GSK3B: variants seen among roughly 807,000 people sequenced by gnomAD.
GSK3B encodes the protein glycogen synthase kinase-3 beta.
A neutral mutation model predicts 56.4 loss-of-function variants in GSK3B; 15 were observed. The observed-to-expected ratio is 0.27, with a 90% CI of 0.18 to 0.41. GSK3B has a LOEUF of 0.41. Ranked by LOEUF, GSK3B falls within the 10% of genes least tolerant of loss-of-function variation. The pLI, the probability that GSK3B is intolerant of heterozygous loss-of-function variation, is 1.00. For missense variants in GSK3B, 300 were observed against 513.4 expected (o/e 0.58, Z 4.02); for synonymous variants, 181 against 188.9 (o/e 0.96, Z 0.34).
At chr3:120,031,983 T>C (rs1459591106) in intron 1 of GSK3B, among the ~76,000 whole-genome samples, 1 of 152,218 alleles carries the variant, frequency 6.6e-6, no homozygotes, top group African/African-American at 2.4e-5. Flanking sequence ...TGTCTCTACT[T>C]ATGTTGTCCT....
intron 1 of GSK3B, among the ~76,000 whole-genome samples, chr3:120,089,377 C>T (rs1296975654): frequency 6.6e-6 from 1 of 152,142 alleles, no homozygotes; most frequent in African/African-American, 2.4e-5. Flanking sequence ...GGTTTTCAGT[C>T]TCACACATGA....
chr3:119,958,483 C>A (rs2057237816), intron 2 of GSK3B, among the ~76,000 whole-genome samples: 1 of 151,962 alleles, frequency 6.6e-6, no homozygotes. Context: ...TCAAGACCAG[C>A]CTGACAACAC....
chr3:119,847,662 A>T (rs1468052754), intron 9 of GSK3B, among the ~76,000 whole-genome samples: 1 of 152,242 alleles, frequency 6.6e-6, no homozygotes, highest in Non-Finnish European at 1.5e-5. Context: ...AGAACTAAAA[A>T]TATCTCGGGG....
chr3:119,968,698 C>G lies in GSK3B; in HGVS notation c.283-21347G>C, dbSNP rs1476827649. Among the ~76,000 whole-genome samples, 13 of 151,720 alleles carry G rather than the reference C, an allele frequency of 8.6e-5. 1 individual carries two copies. Among genetic ancestry groups the G allele is most frequent in the African/African-American group, 2.9e-4 (12 of 41,302 alleles). ...CTACAAAGCAAAATTGTGTAAGATG[C>G]AATATGCCAAAAAAAAATAAGGGAT... On this transcript the variant is annotated intron_variant, in intron 2 of 10. Transcript: ENST00000264235.
intron 7 of GSK3B, among the ~76,000 whole-genome samples, chr3:119,903,987 T>C (rs941959027): frequency 1.8e-4 from 28 of 152,154 alleles, no homozygotes; most frequent in African/African-American, 6.5e-4. Flanking sequence ...ATCAATTTGA[T>C]GATTAGAAAG....
intron 1 of GSK3B, among the ~76,000 whole-genome samples, chr3:120,049,796 G>C (rs760745112): frequency 6.6e-6 from 1 of 152,236 alleles, no homozygotes; most frequent in Middle Eastern, 3.4e-3. Context: ...TAAAAGGCCC[G>C]ACAGTAAACA....
chr3:120,032,929 C>G (rs981293734), intron 1 of GSK3B, among the ~76,000 whole-genome samples: 4 of 152,166 alleles, frequency 2.6e-5, no homozygotes, highest in Non-Finnish European at 4.4e-5. Context: ...ATTTTTAGTA[C>G]TTTCACAGGC....
At chr3:119,936,088 A>G (rs1389397073) in intron 3 of GSK3B, among the ~76,000 whole-genome samples, 1 of 151,968 alleles carries the variant, frequency 6.6e-6, no homozygotes, top group Non-Finnish European at 1.5e-5. Flanking sequence ...TCAACTGATA[A>G]CACTATATCT....
At chr3:120,074,276 G>T (rs2058350667) in intron 1 of GSK3B, among the ~76,000 whole-genome samples, 3 of 151,524 alleles carry the variant, frequency 2.0e-5, no homozygotes, top group Middle Eastern at 6.8e-3. Flanking sequence ...GTGCAGCTTG[G>T]GTCACAGAGT....
intron 2 of GSK3B, among the ~76,000 whole-genome samples, chr3:119,953,254 C>T (rs774712831): frequency 2.9e-4 from 44 of 151,646 alleles, no homozygotes; most frequent in Middle Eastern, 3.4e-3. Context: ...ATTTGTTCAA[C>T]ACAGAAGATA....
chr3:119,825,606 C>T lies in GSK3B; in HGVS notation c.*1182G>A, dbSNP rs2055491356. On this transcript the variant is annotated 3_prime_UTR_variant, in exon 11 of 11. Transcript: ENST00000264235. ...TGATGTGTAGTTTTTAATATTTCTA[C>T]CATCTGACATGCATCAATAAATAAA... The T allele has an allele frequency of 4.4e-6, 1 of 228,326 alleles. No homozygotes were observed. Among genetic ancestry groups the T allele is most frequent in the Non-Finnish European group, 8.7e-6 (1 of 115,224 alleles). 14.1% of individuals were successfully genotyped at this position (228,326 alleles called of 1,614,324 possible). A position where few individuals can be genotyped will look rare whatever the true frequency, so the allele number is the denominator to read the frequency against.
At chr3:119,836,973 C>A (rs1456352926) in intron 10 of GSK3B, among the ~76,000 whole-genome samples, 1 of 152,168 alleles carries the variant, frequency 6.6e-6, no homozygotes, top group African/African-American at 2.4e-5. Flanking sequence ...TACCCTAATA[C>A]TTTAGAACAA....
intron 7 of GSK3B, among the ~76,000 whole-genome samples, chr3:119,898,208 T>C (rs190934673): frequency 8.3e-4 from 127 of 152,248 alleles, no homozygotes; most frequent in African/African-American, 2.7e-3. Context: ...CTATTAAATA[T>C]TGTCTTAAAA....
At chr3:119,922,085 C>T (rs897971179) in intron 4 of GSK3B, among the ~76,000 whole-genome samples, 7 of 151,490 alleles carry the variant, frequency 4.6e-5, no homozygotes, top group Admixed American at 4.6e-4. Flanking sequence ...TGCAGTGAGC[C>T]GAGATTGTGC....
At chr3:119,906,637 C>T (rs759094671) in intron 6 of GSK3B, among the ~76,000 whole-genome samples, 13 of 151,968 alleles carry the variant, frequency 8.6e-5, no homozygotes, top group South Asian at 2.1e-4. Flanking sequence ...ATAAACCGTA[C>T]GGTCACTCTA....
At chr3:120,085,656 G>C (rs1559907399) in intron 1 of GSK3B, among the ~76,000 whole-genome samples, 5 of 152,168 alleles carry the variant, frequency 3.3e-5, no homozygotes, top group Non-Finnish European at 7.3e-5. Context: ...AAAAAAATTA[G>C]CGGGGAATGG....
At position 119,827,179 on chromosome 3, in the gene GSK3B, T is replaced by C. The variant is rs919701167; in HGVS notation, c.1196-324A>G. 3.9e-5 allele frequency among the ~76,000 whole-genome samples: 6 copies of C among 152,174 alleles called. No individual in the cohort carries two copies. In the South Asian group the frequency reaches 8.3e-4, roughly 21 times the overall value. ...AACACTCAGCTGGAGTCTAGTTCACTTGAAAATAAATGAACAGTGCACAGC... is the reference window on the plus strand; with the variant it reads ...AACACTCAGCTGGAGTCTAGTTCACCTGAAAATAAATGAACAGTGCACAGC... On this transcript the variant is annotated intron_variant, in intron 10 of 10. Transcript: ENST00000264235.
intron 10 of GSK3B, among the ~76,000 whole-genome samples, chr3:119,841,986 C>T (rs983296957): frequency 3.3e-5 from 5 of 152,024 alleles, no homozygotes; most frequent in Non-Finnish European, 5.9e-5. Flanking sequence ...TCTCCTGCAG[C>T]ATAAATACCC....
chr3:119,981,369 A>G (rs1559862651), intron 2 of GSK3B, among the ~76,000 whole-genome samples: 1 of 152,182 alleles, frequency 6.6e-6, no homozygotes, highest in Non-Finnish European at 1.5e-5. Flanking sequence ...CAGCCCATGG[A>G]GGGCAAGCTG....
Sources: gnomAD v4.1 joint callset for allele counts (sites outside exome capture counted in the v4.1 genomes callset) on GRCh38, gnomAD v4.1.1 for gene constraint, MANE v1.5 for transcripts, NCBI Gene and HGNC (gene_info 2026-07-23, HGNC 2026-07-21) for gene names.